YWHAG: variants seen among roughly 807,000 people sequenced by gnomAD.
YWHAG encodes the protein 14-3-3 protein gamma.
YWHAG carries 1 observed loss-of-function variant against 23.3 expected under a neutral mutation model. The ratio of observed to expected loss-of-function variants is 0.04; its 90% confidence interval spans 0.02 to 0.20. The LOEUF (loss-of-function observed/expected upper bound fraction) is 0.20, where lower values mean the gene tolerates loss of function less well. YWHAG is among the 10% of genes least tolerant of loss of function. The pLI is 1.00. For synonymous variants in YWHAG, 160 were observed against 144.0 expected (o/e 1.11, Z -0.80); for missense variants, 151 against 338.6 (o/e 0.45, Z 4.35).
chr7:76,355,425 GA>G (rs1320495131), intron 1 of YWHAG, among the ~76,000 whole-genome samples: 1 of 152,148 alleles, frequency 6.6e-6, no homozygotes, highest in Non-Finnish European at 1.5e-5. Context: ...AAAATAATCA[GA>G]AAAAGCACTT....
chr7:76,338,344 A>G (rs1803644383), intron 1 of YWHAG, among the ~76,000 whole-genome samples: 1 of 152,156 alleles, frequency 6.6e-6, no homozygotes, highest in Non-Finnish European at 1.5e-5. Context: ...AGAGTCGTGA[A>G]ATTTCTACCC....
At chr7:76,335,512 C>T (rs968956793) in intron 1 of YWHAG, among the ~76,000 whole-genome samples, 2 of 152,236 alleles carry the variant, frequency 1.3e-5, no homozygotes, top group African/African-American at 4.8e-5. Flanking sequence ...CTATTTTCCC[C>T]TAAGAGTTGA....
At chr7:76,348,359 T>A (rs116472859) in intron 1 of YWHAG, among the ~76,000 whole-genome samples, 3,951 of 149,598 alleles carry the variant, frequency 0.026, 193 homozygotes, top group African/African-American at 0.092. Flanking sequence ...CTGGTTCTAG[T>A]GATTCTCATG....
intron 1 of YWHAG, among the ~76,000 whole-genome samples, chr7:76,332,221 C>T (rs1405777020): frequency 6.6e-6 from 1 of 152,172 alleles, no homozygotes. Flanking sequence ...AGATGCTTTG[C>T]TCCACCACCT....
intron 1 of YWHAG, among the ~76,000 whole-genome samples, chr7:76,342,721 C>T (rs1803716098): frequency 6.6e-6 from 1 of 152,146 alleles, no homozygotes; most frequent in East Asian, 1.9e-4. Flanking sequence ...CTCCGCTGGG[C>T]TACTTTCTGA....
intron 1 of YWHAG, among the ~76,000 whole-genome samples, chr7:76,336,752 G>C (rs922421061): frequency 6.7e-6 from 1 of 150,168 alleles, no homozygotes; most frequent in Non-Finnish European, 1.5e-5. Context: ...CACGGTGCCC[G>C]GTCTTTTTTT....
chr7:76,353,529 A>C (rs1803903973), intron 1 of YWHAG, among the ~76,000 whole-genome samples: 1 of 152,192 alleles, frequency 6.6e-6, no homozygotes, highest in South Asian at 2.1e-4. Context: ...TTTTTAAATC[A>C]GTTTTCGTGT....
intron 1 of YWHAG, among the ~76,000 whole-genome samples, chr7:76,351,175 C>T (rs946335094): frequency 3.9e-5 from 6 of 152,182 alleles, no homozygotes; most frequent in Non-Finnish European, 5.9e-5. Flanking sequence ...TGAAAGGCCA[C>T]CAACATTTTT....
At chr7:76,346,227 C>T (rs1803777844) in intron 1 of YWHAG, among the ~76,000 whole-genome samples, 1 of 152,186 alleles carries the variant, frequency 6.6e-6, no homozygotes, top group Non-Finnish European at 1.5e-5. Flanking sequence ...CTCCCCTTGT[C>T]AGCCTTCTTT....
chr7:76,349,213 G>C (rs1054696038), intron 1 of YWHAG, among the ~76,000 whole-genome samples: 1 of 151,508 alleles, frequency 6.6e-6, no homozygotes. Flanking sequence ...GTGGTGGTGG[G>C]CGCCTGTAGT....
Position 76,358,745 on chromosome 7 carries a change from C to T in YWHAG, c.64G>A (p.Asp22Asn), listed in dbSNP as rs1344323633. The stretch of plus-strand genomic sequence containing the variant: ...ACGTTCTTCATGGCCGCGGCCATGT[C>T]GTCGTAGCGCTCCGCCTGCTCGGCC... ...RLAEQAERYD[D>N]MAAAMKNVTE... The change falls in exon 1 of 2, where the codon GAC (aspartate) becomes AAC (asparagine). Residue 22 changes from aspartate (D) to asparagine (N), a missense_variant. Asp to Asn is a conservative substitution (Grantham distance 23, BLOSUM62 1). Transcript: ENST00000307630. The T allele has an allele frequency of 6.3e-7, 1 of 1,591,870 alleles. No homozygotes were observed.
At position 76,353,658 on chromosome 7, in the gene YWHAG, T is replaced by C. The variant is rs562384991; in HGVS notation, c.87+5064A>G. Among the ~76,000 whole-genome samples, 21 of 152,332 alleles carry C rather than the reference T, an allele frequency of 1.4e-4. No individual in the cohort carries two copies. In the East Asian group the frequency reaches 3.5e-3, roughly 25 times the overall value. ...ATGTTTTGGTAGTTAATCAAAATGA[T>C]AGCTGACACCTAAAATGGAATTTGG... On this transcript the variant is annotated intron_variant, in intron 1 of 1. Transcript: ENST00000307630.
chr7:76,343,591 T>C (rs1803731503), intron 1 of YWHAG, among the ~76,000 whole-genome samples: 1 of 152,182 alleles, frequency 6.6e-6, no homozygotes, highest in Non-Finnish European at 1.5e-5. Flanking sequence ...TAGTAATTCC[T>C]CCTGATTCTG....
rs1803478586 is a variant in YWHAG at position 76,328,054 on chromosome 7, T to C, written c.*1523A>G. On this transcript the variant is annotated 3_prime_UTR_variant, in exon 2 of 2. Coordinates refer to ENST00000307630, the MANE Select transcript of YWHAG (RefSeq NM_012479.4). Reference sequence around the variant, plus strand: ...AACAAAGAAAACAAGTGTGGTGTCATTACACGTCTCGGGAGTTCCTCGTCA... The same window carrying C: ...AACAAAGAAAACAAGTGTGGTGTCACTACACGTCTCGGGAGTTCCTCGTCA... 1 of 152,088 alleles carries C rather than the reference T, an allele frequency of 6.6e-6. No individual in the cohort carries two copies. Among genetic ancestry groups the C allele is most frequent in the Non-Finnish European group, 1.5e-5 (1 of 68,022 alleles). 9.4% of individuals were successfully genotyped at this position (152,088 alleles called of 1,614,324 possible). A position where few individuals can be genotyped will look rare whatever the true frequency, so the allele number is the denominator to read the frequency against.
intron 1 of YWHAG, among the ~76,000 whole-genome samples, chr7:76,330,743 T>C (rs925883290): frequency 1.3e-5 from 2 of 152,178 alleles, no homozygotes; most frequent in Admixed American, 6.5e-5. Context: ...ATAAGGGGCA[T>C]AGGATTGAGT....
chr7:76,353,754 G>C (rs1005577347), intron 1 of YWHAG, among the ~76,000 whole-genome samples: 3 of 152,116 alleles, frequency 2.0e-5, no homozygotes, highest in African/African-American at 7.2e-5. Flanking sequence ...TTTGTAGAAA[G>C]GCAACATTTA....
At position 76,348,421 on chromosome 7, in the gene YWHAG, ATTTTTTTT is replaced by A. The variant is rs35576700; in HGVS notation, c.87+10293_87+10300del. Among the ~76,000 whole-genome samples, 4 of 130,966 alleles carry A rather than the reference ATTTTTTTT, an allele frequency of 3.1e-5. No individual in the cohort carries two copies. The East Asian group carries it at 9.0e-4, about 30-fold the overall frequency. The allele number at this position is 130,966 out of a possible 152,430, so 85.9% of individuals were successfully genotyped here. On this transcript the variant is annotated intron_variant, in intron 1 of 1. Transcript: ENST00000307630. The stretch of plus-strand genomic sequence containing the variant: ...TAGGCGCACGCCACCATGCCCGCTA[ATTTTTTTT>A]TTTTTTTTTTTTGAGACAGTCTCAC...
chr7:76,333,693 G>A (rs985998941), intron 1 of YWHAG, among the ~76,000 whole-genome samples: 1 of 152,212 alleles, frequency 6.6e-6, no homozygotes, highest in African/African-American at 2.4e-5. Flanking sequence ...TGAGCCCTTG[G>A]GCGCTGCTGC....
intron 1 of YWHAG, among the ~76,000 whole-genome samples, chr7:76,337,914 C>T (rs1432094385): frequency 6.6e-6 from 1 of 152,188 alleles, no homozygotes; most frequent in African/African-American, 2.4e-5. Flanking sequence ...AGTCCCAGTA[C>T]ATCACCAAGC....
Sources: allele counts gnomAD v4.1 joint callset (sites outside exome capture counted in the v4.1 genomes callset), GRCh38; gene constraint gnomAD v4.1.1; transcripts MANE v1.5; gene names NCBI Gene and HGNC (gene_info 2026-07-23, HGNC 2026-07-21).